Variants in PEAK1 observed in about 807,000 individuals in gnomAD.
PEAK1 encodes the protein inactive tyrosine-protein kinase PEAK1.
Under a neutral mutation model 124.7 loss-of-function variants are expected in PEAK1, and 54 were observed. The observed-to-expected ratio is 0.43, with a 90% confidence interval of 0.35 to 0.54. The LOEUF (loss-of-function observed/expected upper bound fraction) is 0.54, where lower values mean the gene tolerates loss of function less well. Among genes scored for constraint, PEAK1 ranks in the 20% least tolerant of loss-of-function variants. The pLI is 0.01. For synonymous variants in PEAK1, 719 were observed against 760.0 expected (o/e 0.95, Z 0.89); for missense variants, 2,046 against 2,134.5 (o/e 0.96, Z 0.82).
downstream of PEAK1, chr15:77,106,641 G>T (rs1197616251): frequency 6.6e-6 from 1 of 152,300 alleles, no homozygotes; most frequent in Non-Finnish European, 1.5e-5. Flanking sequence ...TGGGATTACA[G>T]GTGTGAGCCA....
chr15:77,232,314 A>AAC (rs3071161), intron 6 of PEAK1, among the ~76,000 whole-genome samples: 2,054 of 150,104 alleles, frequency 0.014, 35 homozygotes, highest in East Asian at 0.048. Context: ...AGTGTCAGGA[A>AAC]ACACACACAC....
chr15:77,112,821 G>C lies in PEAK1; in HGVS notation c.*1335C>G, dbSNP rs1235863626. 3 of 152,148 alleles carry C rather than the reference G, an allele frequency of 2.0e-5. No homozygotes were observed. The highest frequency in any genetic ancestry group is 4.4e-5 in the Non-Finnish European group (3 of 68,040). 9.4% of individuals were successfully genotyped at this position (152,148 alleles called of 1,614,324 possible). On this transcript the variant is annotated 3_prime_UTR_variant, in exon 10 of 10. Coordinates refer to ENST00000682557, the MANE Select transcript of PEAK1 (RefSeq NM_001385026.1). ...TGCAACATAAACACTGTAATATACA[G>C]CTAAAAAAATACATACAAAAATTGC...
At chr15:77,364,895 G>A (rs1364556696) in intron 2 of PEAK1, among the ~76,000 whole-genome samples, 4 of 152,032 alleles carry the variant, frequency 2.6e-5, no homozygotes, top group African/African-American at 9.7e-5. Context: ...GTATATCAGA[G>A]AACAGTAGTA....
chr15:77,339,947 T>C (rs1454503896), intron 2 of PEAK1, among the ~76,000 whole-genome samples: 1 of 152,144 alleles, frequency 6.6e-6, no homozygotes, highest in Non-Finnish European at 1.5e-5. Context: ...TGAGCTACCA[T>C]AAAATACACT....
At chr15:77,270,847 C>T (rs1330772990) in intron 5 of PEAK1, among the ~76,000 whole-genome samples, 3 of 151,850 alleles carry the variant, frequency 2.0e-5, no homozygotes, top group East Asian at 3.9e-4. Flanking sequence ...TCTTTTATTT[C>T]GTTGAGCAGG....
intron 6 of PEAK1, among the ~76,000 whole-genome samples, chr15:77,207,825 G>A (rs2058733717): frequency 6.6e-6 from 1 of 152,134 alleles, no homozygotes; most frequent in South Asian, 2.1e-4. Flanking sequence ...AAATCCTTAT[G>A]TAAACTATGG....
intron 2 of PEAK1, among the ~76,000 whole-genome samples, chr15:77,354,173 A>G (rs2067364578): frequency 6.6e-6 from 1 of 152,204 alleles, no homozygotes; most frequent in Admixed American, 6.5e-5. Context: ...ATCAAACTAA[A>G]TATTACAAAA....
chr15:77,341,120 T>TA (rs1408660889), intron 2 of PEAK1, among the ~76,000 whole-genome samples: 1 of 152,110 alleles, frequency 6.6e-6, no homozygotes, highest in African/African-American at 2.4e-5. Context: ...GACAAGGTCT[T>TA]AGAGGGTCCG....
intron 7 of PEAK1, among the ~76,000 whole-genome samples, chr15:77,170,298 T>C (rs1287609941): frequency 6.7e-6 from 1 of 149,934 alleles, no homozygotes; most frequent in African/African-American, 2.5e-5. Context: ...TAAAATAAAA[T>C]GAAAAAAAAA....
chr15:77,345,863 T>C, intron 2 of PEAK1: 1 of 954,182 alleles, frequency 1.0e-6, no homozygotes, highest in Non-Finnish European at 1.2e-6. Flanking sequence ...CCAAAATATG[T>C]ACAACAATTA....
intron 6 of PEAK1, among the ~76,000 whole-genome samples, chr15:77,214,609 G>A (rs1344298840): frequency 6.7e-6 from 1 of 149,794 alleles, no homozygotes; most frequent in Non-Finnish European, 1.5e-5. Context: ...AGGCGACAGA[G>A]CAAGACTCTG....
chr15:77,181,739 G>A lies in PEAK1; in HGVS notation c.188C>T (p.Pro63Leu), dbSNP rs202045290. 1.9e-6 allele frequency: 3 copies of A among 1,613,970 alleles called. No individual in the cohort carries two copies. Among genetic ancestry groups the A allele is most frequent in the African/African-American group, 1.3e-5 (1 of 74,914 alleles). The change falls in exon 7 of 10, where the codon CCT (proline) becomes CTT (leucine). Residue 63 changes from proline (P) to leucine (L), a missense_variant. Pro to Leu is a moderately conservative substitution (Grantham distance 98, BLOSUM62 -3). Transcript: ENST00000682557. ...TATAGTGGGTTTTTTAGCCACAGGA[G>A]GCCGGAAATTGCCCGTGTTCCTGAT... ...HRIRNTGNFR[P>L]PVAKKPTIAV...
chr15:77,342,462 A>G (rs1415877625), intron 2 of PEAK1, among the ~76,000 whole-genome samples: 1 of 146,528 alleles, frequency 6.8e-6, no homozygotes, highest in Non-Finnish European at 1.5e-5. Context: ...GCTGGAATGC[A>G]GTGACATGAT....
At chr15:77,397,688 G>T (rs567604078) in intron 1 of PEAK1, among the ~76,000 whole-genome samples, 2 of 152,072 alleles carry the variant, frequency 1.3e-5, no homozygotes, top group Admixed American at 1.3e-4. Flanking sequence ...AACCTAGAAA[G>T]GACAAATTCC....
rs1194067423 is a variant in PEAK1 at position 77,109,421 on chromosome 15, T to C, written c.*4735A>G. On this transcript the variant is annotated 3_prime_UTR_variant, in exon 10 of 10. Transcript: ENST00000682557. ...GCTAAATGCCTTGACATGGAATGTA[T>C]GTGAACTCCCCTCCCACAGCATCTG... 6.6e-6 allele frequency: 1 copy of C among 152,240 alleles called. No individual in the cohort carries two copies. Among genetic ancestry groups the C allele is most frequent in the East Asian group, 1.9e-4 (1 of 5,196 alleles). 9.4% of individuals were successfully genotyped at this position (152,240 alleles called of 1,614,324 possible).
intron 1 of PEAK1, among the ~76,000 whole-genome samples, chr15:77,390,171 T>A (rs1006410458): frequency 6.6e-6 from 1 of 152,204 alleles, no homozygotes; most frequent in East Asian, 1.9e-4. Flanking sequence ...CAACAAGTTA[T>A]GTGCTGACAG....
intron 6 of PEAK1, among the ~76,000 whole-genome samples, chr15:77,219,756 T>C (rs965353009): frequency 2.6e-5 from 4 of 152,078 alleles, no homozygotes; most frequent in Admixed American, 2.6e-4. Flanking sequence ...CTACCATTAC[T>C]GCAAAGAACA....
chr15:77,333,729 T>C (rs1466359076), intron 2 of PEAK1: 4 of 963,740 alleles, frequency 4.2e-6, no homozygotes, highest in Non-Finnish European at 4.9e-6. Flanking sequence ...TTCACTATCA[T>C]ACATTAATCT....
At chr15:77,339,952 T>A (rs759875160) in intron 2 of PEAK1, among the ~76,000 whole-genome samples, 1 of 152,164 alleles carries the variant, frequency 6.6e-6, no homozygotes, top group African/African-American at 2.4e-5. Flanking sequence ...TACCATAAAA[T>A]ACACTTATTA....
Sources: gnomAD v4.1 joint callset for allele counts (sites outside exome capture counted in the v4.1 genomes callset) on GRCh38, gnomAD v4.1.1 for gene constraint, MANE v1.5 for transcripts, NCBI Gene and HGNC (gene_info 2026-07-23, HGNC 2026-07-21) for gene names.